OCA2: variants seen among roughly 807,000 people sequenced by gnomAD.
The protein encoded by OCA2 is OCA2 melanosomal transmembrane protein.
OCA2 carries 77 observed loss-of-function variants against 100.2 expected under a neutral mutation model. The ratio of observed to expected loss-of-function variants is 0.77; its 90% CI spans 0.64 to 0.93. OCA2 has a LOEUF of 0.93. OCA2 is among the 40% of genes least tolerant of loss of function. OCA2 has a pLI of 0.00. For synonymous variants in OCA2, 432 were observed against 439.2 expected (o/e 0.98, Z 0.21); for missense variants, 1,062 against 1,089.1 (o/e 0.98, Z 0.35).
chr15:28,014,509 G>C (rs577503933), intron 9 of OCA2, among the ~76,000 whole-genome samples: 32 of 152,212 alleles, frequency 2.1e-4, no homozygotes, highest in Non-Finnish European at 4.3e-4. Context: ...CGGAGAGAGA[G>C]TAGAAAATCG....
chr15:27,772,658 C>T (rs1032739049), intron 23 of OCA2, among the ~76,000 whole-genome samples: 2 of 151,910 alleles, frequency 1.3e-5, no homozygotes, highest in African/African-American at 4.8e-5. Context: ...CTGGCTAACA[C>T]GGTGAAACCC....
At chr15:27,913,137 G>GA (rs544144376) in intron 19 of OCA2, among the ~76,000 whole-genome samples, 8 of 152,070 alleles carry the variant, frequency 5.3e-5, no homozygotes, top group Admixed American at 3.3e-4. Flanking sequence ...ATATTGGACA[G>GA]AAAAAAAGTC....
At position 27,888,264 on chromosome 15, in the gene OCA2, A is replaced by AC. The variant is rs113787478; in HGVS notation, c.2080-16343dup. 8.9e-3 allele frequency among the ~76,000 whole-genome samples: 1,357 copies of AC among 152,340 alleles called. 21 individuals carry two copies. The highest frequency in any genetic ancestry group is 0.029 in the African/African-American group (1,225 of 41,584). On this transcript the variant is annotated intron_variant, in intron 19 of 23. Transcript: ENST00000354638. Reference sequence around the variant, plus strand: ...CTCTGAAAATTAAATCTTCATTTGAACAACAGGCTATGTAAATAGTCTATA... The same window carrying AC: ...CTCTGAAAATTAAATCTTCATTTGAACCAACAGGCTATGTAAATAGTCTATA...
At chr15:28,083,266 C>T (rs2044709679) in intron 1 of OCA2, among the ~76,000 whole-genome samples, 1 of 152,216 alleles carries the variant, frequency 6.6e-6, no homozygotes, top group South Asian at 2.1e-4. Flanking sequence ...CTGACAGCCC[C>T]AGACGCACAC....
chr15:27,863,178 G>A (rs895313452), intron 21 of OCA2, among the ~76,000 whole-genome samples: 4 of 152,162 alleles, frequency 2.6e-5, no homozygotes, highest in Non-Finnish European at 5.9e-5. Flanking sequence ...ACAGAGCAGC[G>A]GTGGGAGGAG....
intron 1 of OCA2, among the ~76,000 whole-genome samples, chr15:28,095,216 G>C (rs1030743733): frequency 1.3e-5 from 2 of 152,136 alleles, no homozygotes; most frequent in Admixed American, 6.5e-5. Flanking sequence ...AGCAGAGCTC[G>C]AGCTGGCGGA....
intron 14 of OCA2, among the ~76,000 whole-genome samples, chr15:27,975,918 G>A (rs1466815509): frequency 1.3e-5 from 2 of 152,064 alleles, no homozygotes; most frequent in Non-Finnish European, 2.9e-5. Flanking sequence ...CCATAAACAA[G>A]GTGTACCTCT....
chr15:27,989,539 G>T, intron 11 of OCA2, 62 bp downstream of exon 11: 1 of 1,368,156 alleles, frequency 7.3e-7, no homozygotes. Context: ...AGCGGTGGAG[G>T]CCAGAGAAGG....
intron 2 of OCA2, among the ~76,000 whole-genome samples, chr15:28,045,556 CA>C (rs2043323256): frequency 1.3e-5 from 2 of 152,160 alleles, no homozygotes; most frequent in Admixed American, 1.3e-4. Flanking sequence ...TTCCTTTGTG[CA>C]GACCCATTTT....
At chr15:27,799,896 AGGCT>A (rs749851191) in intron 23 of OCA2, among the ~76,000 whole-genome samples, 2 of 152,188 alleles carry the variant, frequency 1.3e-5, no homozygotes, top group Non-Finnish European at 2.9e-5. Context: ...AGTGGTAAAA[AGGCT>A]GGAGTGATGA....
intron 19 of OCA2, among the ~76,000 whole-genome samples, chr15:27,883,869 A>G (rs934055222): frequency 2.0e-5 from 3 of 152,174 alleles, no homozygotes; most frequent in Non-Finnish European, 4.4e-5. Flanking sequence ...GAGCAAAAAG[A>G]AAAATCTGAT....
chr15:28,027,805 G>A (rs565015141), intron 4 of OCA2, 66 bp downstream of exon 4: 263 of 1,511,394 alleles, frequency 1.7e-4, no homozygotes, highest in Admixed American at 9.0e-4. Flanking sequence ...GAAAGATGGA[G>A]GGGCCATGTA....
At chr15:28,063,522 T>A (rs2043936488) in intron 2 of OCA2, among the ~76,000 whole-genome samples, 1 of 152,166 alleles carries the variant, frequency 6.6e-6, no homozygotes, top group Admixed American at 6.5e-5. Flanking sequence ...GTCAAATAGA[T>A]ATTTGCTAGT....
chr15:27,831,389 A>C (rs939902572), intron 23 of OCA2, among the ~76,000 whole-genome samples: 1 of 152,118 alleles, frequency 6.6e-6, no homozygotes, highest in Non-Finnish European at 1.5e-5. Context: ...GCATTTCGGA[A>C]ATTTCCAGGG....
At chr15:27,886,945 A>G (rs77933758) in intron 19 of OCA2, among the ~76,000 whole-genome samples, 3,446 of 152,244 alleles carry the variant, frequency 0.023, 136 homozygotes, top group African/African-American at 0.08. Context: ...AGCTCCCATA[A>G]TTCTCATGTG....
chr15:27,859,107 C>CT (rs1486180525), intron 21 of OCA2, among the ~76,000 whole-genome samples: 1 of 151,762 alleles, frequency 6.6e-6, no homozygotes, highest in Non-Finnish European at 1.5e-5. Context: ...AACTTCACAC[C>CT]TTAAGAAACT....
At chr15:27,995,705 A>T (rs2041702531) in intron 9 of OCA2, among the ~76,000 whole-genome samples, 1 of 152,176 alleles carries the variant, frequency 6.6e-6, no homozygotes, top group African/African-American at 2.4e-5. Flanking sequence ...AAATTTTAGA[A>T]GATGTAAATA....
At chr15:27,871,297 A>T (rs773218330) in intron 20 of OCA2, 39 bp from the exon 21 acceptor site, 1 of 1,513,840 alleles carries the variant, frequency 6.6e-7, no homozygotes, top group Non-Finnish European at 9.2e-7. Context: ...GTTCCATCGC[A>T]TGCACTTAGG....
At chr15:28,066,514 A>G (rs758076093) in intron 2 of OCA2, among the ~76,000 whole-genome samples, 1 of 152,180 alleles carries the variant, frequency 6.6e-6, no homozygotes, top group Non-Finnish European at 1.5e-5. Context: ...ATTAAAACTG[A>G]TGAAGCAGAC....
Sources: allele counts gnomAD v4.1 joint callset (sites outside exome capture counted in the v4.1 genomes callset), GRCh38; gene constraint gnomAD v4.1.1; transcripts MANE v1.5; gene names NCBI Gene and HGNC (gene_info 2026-07-23, HGNC 2026-07-21).